The following CTDSPL variants were observed in gnomAD, a reference collection of about 807,000 sequenced individuals.
CTDSPL encodes CTD small phosphatase-like protein.
A neutral mutation model predicts 30.5 loss-of-function variants in CTDSPL; 8 were observed. The ratio of observed to expected loss-of-function variants is 0.26; its 90% CI spans 0.15 to 0.47. The LOEUF (loss-of-function observed/expected upper bound fraction) is 0.47, where lower values mean the gene tolerates loss of function less well. Among genes scored for constraint, CTDSPL ranks in the 20% least tolerant of loss-of-function variants. The pLI is 0.99. For synonymous variants in CTDSPL, 110 were observed against 137.9 expected, an observed-to-expected ratio of 0.80 and a Z score of 1.42; for missense variants, 248 against 366.1, an observed-to-expected ratio of 0.68 and a Z score of 2.63.
At chr3:37,953,964 G>T (rs1180049639) in intron 2 of CTDSPL, among the ~76,000 whole-genome samples, 1 of 152,182 alleles carries the variant, frequency 6.6e-6, no homozygotes, top group African/African-American at 2.4e-5. Context: ...CACCAAAGTT[G>T]ATTCAAATCA....
intron 1 of CTDSPL, among the ~76,000 whole-genome samples, chr3:37,867,302 A>G (rs1190059031): frequency 6.6e-6 from 1 of 152,048 alleles, no homozygotes; most frequent in African/African-American, 2.4e-5. Context: ...TTTTTTTTAA[A>G]TTGCTCAATT....
intron 1 of CTDSPL, among the ~76,000 whole-genome samples, chr3:37,927,680 A>ATATG (rs1317726442): frequency 0.013 from 1,057 of 79,224 alleles, 7 homozygotes; most frequent in African/African-American, 0.023. Flanking sequence ...GTGTGTGTGT[A>ATATG]TGTGTATATA....
intron 1 of CTDSPL, among the ~76,000 whole-genome samples, chr3:37,946,283 G>C (rs9816687): frequency 1.3e-5 from 2 of 152,218 alleles, no homozygotes; most frequent in Admixed American, 6.5e-5. Flanking sequence ...AAACAGAAAG[G>C]ATGTGTCACT....
intron 1 of CTDSPL, among the ~76,000 whole-genome samples, chr3:37,935,324 TA>T (rs149092725): frequency 0.05 from 7,382 of 148,942 alleles, 203 homozygotes; most frequent in Non-Finnish European, 0.06. Context: ...TTTAATAGGT[TA>T]AAAAAAAAAC....
chr3:37,930,907 C>G (rs938958233), intron 1 of CTDSPL, among the ~76,000 whole-genome samples: 1 of 152,052 alleles, frequency 6.6e-6, no homozygotes, highest in Non-Finnish European at 1.5e-5. Context: ...CATATAACTC[C>G]TTTTTATCAT....
At chr3:37,977,202 A>G (rs1699438530) in intron 7 of CTDSPL, among the ~76,000 whole-genome samples, 1 of 152,242 alleles carries the variant, frequency 6.6e-6, no homozygotes. Flanking sequence ...TAATATAATC[A>G]CAAGTCACGG....
chr3:37,887,949 C>T (rs1698281167), intron 1 of CTDSPL, among the ~76,000 whole-genome samples: 1 of 152,186 alleles, frequency 6.6e-6, no homozygotes, highest in Non-Finnish European at 1.5e-5. Flanking sequence ...AGCAATTCCA[C>T]ATTTTGGTGC....
chr3:37,925,619 T>C (rs192375971), intron 1 of CTDSPL, among the ~76,000 whole-genome samples: 4 of 152,302 alleles, frequency 2.6e-5, no homozygotes, highest in South Asian at 4.1e-4. Context: ...ATCCTGACCT[T>C]CTTACTTTTT....
Position 37,902,280 on chromosome 3 carries a change from G to A in CTDSPL, c.79+40002G>A, listed in dbSNP as rs1018372975. Among the ~76,000 whole-genome samples, 29 of 152,130 alleles carry A rather than the reference G, an allele frequency of 1.9e-4. 1 individual carries two copies. Among genetic ancestry groups the A allele is most frequent in the African/African-American group, 6.5e-4 (27 of 41,416 alleles). ...CAGCAAGTCATTGCATTTCTTTGAAGCTCAGTTTCCTCTGGTAATAATATC... is the reference window on the plus strand; with the variant it reads ...CAGCAAGTCATTGCATTTCTTTGAAACTCAGTTTCCTCTGGTAATAATATC... On this transcript the variant is annotated intron_variant, in intron 1 of 7. Coordinates refer to ENST00000273179, the MANE Select transcript of CTDSPL (RefSeq NM_001008392.2).
intron 1 of CTDSPL, among the ~76,000 whole-genome samples, chr3:37,942,259 C>T (rs781293682): frequency 6.6e-6 from 1 of 150,464 alleles, no homozygotes; most frequent in Non-Finnish European, 1.5e-5. Flanking sequence ...AATGTACGCC[C>T]GCAGAATCCA....
At chr3:37,971,303 G>A in intron 5 of CTDSPL, 104 bp from the exon 6 acceptor site, 2 of 976,632 alleles carry the variant, frequency 2.0e-6, no homozygotes, top group African/African-American at 3.2e-5. Flanking sequence ...GGGGGAGGGA[G>A]GCAGGAACCT....
chr3:37,893,711 T>C (rs941259597), intron 1 of CTDSPL, among the ~76,000 whole-genome samples: 2 of 152,118 alleles, frequency 1.3e-5, no homozygotes, highest in African/African-American at 4.8e-5. Flanking sequence ...ATTTTCTTAG[T>C]GGTATAATTG....
At chr3:37,932,602 A>C (rs976291933) in intron 1 of CTDSPL, among the ~76,000 whole-genome samples, 3 of 152,276 alleles carry the variant, frequency 2.0e-5, no homozygotes, top group African/African-American at 7.2e-5. Flanking sequence ...AAAGAAATGC[A>C]AATTAAAACA....
chr3:37,952,366 T>G (rs1699120060), intron 2 of CTDSPL, among the ~76,000 whole-genome samples: 1 of 152,216 alleles, frequency 6.6e-6, no homozygotes, highest in Non-Finnish European at 1.5e-5. Flanking sequence ...CCATCAAGAA[T>G]CTGTTCTTCT....
intron 1 of CTDSPL, among the ~76,000 whole-genome samples, chr3:37,931,531 C>A (rs2125615401): frequency 6.6e-6 from 1 of 152,220 alleles, no homozygotes; most frequent in African/African-American, 2.4e-5. Context: ...AAAGGACTTA[C>A]TATTGCCATT....
At chr3:37,962,668 A>G (rs910132092) in intron 3 of CTDSPL, among the ~76,000 whole-genome samples, 1 of 152,152 alleles carries the variant, frequency 6.6e-6, no homozygotes, top group Non-Finnish European at 1.5e-5. Context: ...CTAGATCCTT[A>G]TTTTCCAGGC....
At position 37,982,995 on chromosome 3, in the gene CTDSPL, G is replaced by A; in HGVS notation, c.*2128G>A. ...GGATGGAAATCATAAAATATTTCAT[G>A]GGAATCGAACCTAGGGATAGTGCTC... On this transcript the variant is annotated 3_prime_UTR_variant, in exon 8 of 8. Transcript: ENST00000273179. 1 of 216,794 alleles carries A rather than the reference G, an allele frequency of 4.6e-6. No homozygotes were observed. Among genetic ancestry groups the A allele is most frequent in the Non-Finnish European group, 9.6e-6 (1 of 104,556 alleles). 13.4% of individuals were successfully genotyped at this position (216,794 alleles called of 1,614,324 possible).
rs193290865 is a variant in CTDSPL, at chr3:37,940,929, C to T, written c.80-6128C>T. 1.3e-3 allele frequency among the ~76,000 whole-genome samples: 203 copies of T among 150,554 alleles called. 11 individuals carry two copies. The highest frequency in any genetic ancestry group is 1.8e-3 in the Non-Finnish European group (119 of 67,084). ...GACCAGGGAAGCATTTGGAAGGCTT[C>T]CTGTCTTGTCTTTAGAGAGGAAGGC... On this transcript the variant is annotated intron_variant, in intron 1 of 7. Transcript: ENST00000273179.
chr3:37,980,338 C>T (rs1237395966), intron 7 of CTDSPL, among the ~76,000 whole-genome samples: 1 of 152,178 alleles, frequency 6.6e-6, no homozygotes. Flanking sequence ...ATGTGAGCTC[C>T]GCGCTGTCAG....
Sources: allele counts gnomAD v4.1 joint callset (sites outside exome capture counted in the v4.1 genomes callset), GRCh38; gene constraint gnomAD v4.1.1; transcripts MANE v1.5; gene names NCBI Gene and HGNC (gene_info 2026-07-23, HGNC 2026-07-21).